ASPH: variants seen among roughly 807,000 people sequenced by gnomAD.
ASPH encodes the protein aspartate beta-hydroxylase.
In ASPH, 100 loss-of-function variants were observed where a neutral mutation model predicts 118.4. That is an observed-to-expected ratio of 0.84 (90% CI 0.72 to 1.00). The LOEUF (loss-of-function observed/expected upper bound fraction) is 1.00, where lower values mean the gene tolerates loss of function less well. Among genes scored for constraint, ASPH ranks in the 50% least tolerant of loss-of-function variants. The pLI is 0.00. For synonymous variants in ASPH, 315 were observed against 325.6 expected (o/e 0.97, Z 0.35); for missense variants, 920 against 919.5 (o/e 1.00, Z -0.01).
At chr8:61,559,301 C>T (rs917543246) in intron 18 of ASPH, among the ~76,000 whole-genome samples, 2 of 152,148 alleles carry the variant, frequency 1.3e-5, no homozygotes, top group South Asian at 2.1e-4. Flanking sequence ...TTATGCTACC[C>T]GGTGGCTTCT....
At chr8:61,540,471 G>T (rs1341556963) in intron 21 of ASPH, among the ~76,000 whole-genome samples, 1 of 152,110 alleles carries the variant, frequency 6.6e-6, no homozygotes, top group African/African-American at 2.4e-5. Context: ...GCTTCCTGTG[G>T]CCTCCCTAGA....
chr8:61,593,368 G>T (rs1310111428), intron 14 of ASPH, among the ~76,000 whole-genome samples: 1 of 151,884 alleles, frequency 6.6e-6, no homozygotes, highest in Non-Finnish European at 1.5e-5. Context: ...ACCAAGGATG[G>T]CACACTCTTT....
chr8:61,557,676 C>A (rs1257775522), intron 18 of ASPH, among the ~76,000 whole-genome samples: 1 of 152,206 alleles, frequency 6.6e-6, no homozygotes, highest in Non-Finnish European at 1.5e-5. Context: ...CATTGCTCAT[C>A]CCCACTGCCT....
chr8:61,649,805 T>C (rs1809973395), intron 5 of ASPH, among the ~76,000 whole-genome samples: 1 of 152,176 alleles, frequency 6.6e-6, no homozygotes, highest in South Asian at 2.1e-4. Context: ...CCATGCATTT[T>C]TCATGCTACA....
chr8:61,689,819 C>G, intron 1 of ASPH: 2 of 1,455,994 alleles, frequency 1.4e-6, no homozygotes, highest in Non-Finnish European at 1.8e-6. Flanking sequence ...ACTGGCCAAT[C>G]CCTGCACTGT....
chr8:61,544,225 T>C (rs999738430), intron 21 of ASPH, among the ~76,000 whole-genome samples: 2 of 152,220 alleles, frequency 1.3e-5, no homozygotes, highest in Non-Finnish European at 2.9e-5. Flanking sequence ...TTATTCAGGT[T>C]CAGCACTTTT....
At chr8:61,539,281 C>T (rs1251594462) in intron 21 of ASPH, among the ~76,000 whole-genome samples, 4 of 152,002 alleles carry the variant, frequency 2.6e-5, no homozygotes, top group African/African-American at 7.2e-5. Flanking sequence ...TTGTTATCAG[C>T]GGTAGTTTTC....
chr8:61,578,793 G>A, intron 15 of ASPH: 2 of 1,599,656 alleles, frequency 1.3e-6, no homozygotes, highest in Non-Finnish European at 1.7e-6. Flanking sequence ...GATGGAGAAT[G>A]AATTTGTCCT....
chr8:61,617,634 G>T (rs1849478646), intron 14 of ASPH, among the ~76,000 whole-genome samples: 1 of 151,962 alleles, frequency 6.6e-6, no homozygotes, highest in South Asian at 2.1e-4. Flanking sequence ...CTAAGTACTA[G>T]AAAGAAACAG....
intron 16 of ASPH, among the ~76,000 whole-genome samples, chr8:61,570,561 C>G (rs764016838): frequency 1.4e-4 from 22 of 152,132 alleles, no homozygotes; most frequent in Non-Finnish European, 2.6e-4. Flanking sequence ...CCCCAGGGCC[C>G]TTTGTTTTAA....
chr8:61,676,780 C>T (rs1825619127), intron 3 of ASPH, among the ~76,000 whole-genome samples: 1 of 152,068 alleles, frequency 6.6e-6, no homozygotes, highest in Non-Finnish European at 1.5e-5. Flanking sequence ...TTTGTTCATT[C>T]AAACTAGAAA....
rs1008080001 is a variant in ASPH, at chr8:61,714,282, G to A, written c.90C>T (p.Pro30=). ...SGSTSAGSSS[P]GARRETKHGG... ...AGGGCCTCTGACCTCTCCGGGCCCCGGGGCTGCTGCTGCCCGCACTCGTGC... is the reference window on the plus strand; with the variant it reads ...AGGGCCTCTGACCTCTCCGGGCCCCAGGGCTGCTGCTGCCCGCACTCGTGC... Residue 30 remains proline (P), a synonymous_variant, in exon 1 of 25, where the codon CCC becomes CCT. Coordinates refer to ENST00000379454, the MANE Select transcript of ASPH (RefSeq NM_004318.4). The A allele has an allele frequency of 3.3e-6, 5 of 1,515,960 alleles. No individual in the cohort carries two copies. Among genetic ancestry groups the A allele is most frequent in the Non-Finnish European group, 4.4e-6 (5 of 1,134,074 alleles). 93.9% of individuals were successfully genotyped at this position (1,515,960 alleles called of 1,614,324 possible).
chr8:61,691,496 C>T lies in ASPH; in HGVS notation c.104-7308G>A, dbSNP rs146138053. On this transcript the variant is annotated intron_variant, in intron 1 of 24. Transcript: ENST00000379454. ...TGTTGACAGGGGTTAAGGTGACCCA[C>T]CATTTCGTCACCATACAAATTTATT... is the stretch of plus-strand genomic sequence containing the variant. Among the ~76,000 whole-genome samples the T allele has an allele frequency of 1.8e-3, 279 of 152,330 alleles. 2 individuals carry two copies. In the Middle Eastern group the frequency reaches 0.027, roughly 15 times the overall value.
At chr8:61,544,200 C>T (rs1421621850) in intron 21 of ASPH, among the ~76,000 whole-genome samples, 1 of 152,200 alleles carries the variant, frequency 6.6e-6, no homozygotes, top group Non-Finnish European at 1.5e-5. Flanking sequence ...TACCACCCCA[C>T]AAACCCTGCT....
intron 10 of ASPH, 21 bp from the exon 11 acceptor site, chr8:61,638,384 A>G (rs749028351): frequency 6.5e-7 from 1 of 1,542,012 alleles, no homozygotes; most frequent in South Asian, 1.2e-5. Context: ...AAAAACAGAA[A>G]CAAAATCCCG....
intron 14 of ASPH, among the ~76,000 whole-genome samples, chr8:61,596,962 A>T (rs1239648435): frequency 6.6e-6 from 1 of 152,174 alleles, no homozygotes; most frequent in African/African-American, 2.4e-5. Context: ...ACTCAGTGAG[A>T]TATATGAGAA....
chr8:61,710,893 T>C (rs1160165409), intron 1 of ASPH, among the ~76,000 whole-genome samples: 1 of 152,190 alleles, frequency 6.6e-6, no homozygotes, highest in Non-Finnish European at 1.5e-5. Context: ...AGTGTGTTTC[T>C]AAATGACAAA....
At chr8:61,670,216 G>A (rs1401079593) in intron 3 of ASPH, among the ~76,000 whole-genome samples, 1 of 149,712 alleles carries the variant, frequency 6.7e-6, no homozygotes, top group Non-Finnish European at 1.5e-5. Flanking sequence ...GAAACAAAAA[G>A]AGAGTAAAGA....
intron 3 of ASPH, chr8:61,663,162 G>C: frequency 1.0e-6 from 1 of 985,340 alleles, no homozygotes; most frequent in Non-Finnish European, 1.2e-6. Flanking sequence ...TATGCCTGGG[G>C]GACATGTTCT....
Sources: gnomAD v4.1 joint callset for allele counts (sites outside exome capture counted in the v4.1 genomes callset) on GRCh38, gnomAD v4.1.1 for gene constraint, MANE v1.5 for transcripts, NCBI Gene and HGNC (gene_info 2026-07-23, HGNC 2026-07-21) for gene names.